The following ADAMTSL1 variants were observed in gnomAD, a reference collection of about 807,000 sequenced individuals.
ADAMTSL1 encodes the protein ADAMTS like 1.
In ADAMTSL1, 126 loss-of-function variants were observed where a neutral mutation model predicts 201.8. That is an observed-to-expected ratio of 0.62 (90% CI 0.54 to 0.72). ADAMTSL1 has a LOEUF of 0.72. Among genes scored for constraint, ADAMTSL1 ranks in the 30% least tolerant of loss-of-function variants. The probability of loss-of-function intolerance (pLI) is 0.00; values close to 1 mark genes in which losing one functional copy is unlikely to be tolerated. For synonymous variants in ADAMTSL1, 1,121 were observed against 903.4 expected, an observed-to-expected ratio of 1.24 and a Z score of -4.32; for missense variants, 2,679 against 2,277.8, an observed-to-expected ratio of 1.18 and a Z score of -3.59.
At chr9:18,499,464 C>T (rs1332684676) in intron 1 of ADAMTSL1, among the ~76,000 whole-genome samples, 2 of 152,160 alleles carry the variant, frequency 1.3e-5, no homozygotes, top group Admixed American at 6.6e-5. Flanking sequence ...GTGGGTAGGG[C>T]AGCTAAAAAT....
intron 2 of ADAMTSL1, among the ~76,000 whole-genome samples, chr9:18,379,567 T>G (rs1837460012): frequency 6.6e-6 from 1 of 152,170 alleles, no homozygotes; most frequent in Non-Finnish European, 1.5e-5. Flanking sequence ...TTGTTTTGTC[T>G]TTTGACAATG....
chr9:18,158,958 C>G (rs1041468704), intron 1 of ADAMTSL1, among the ~76,000 whole-genome samples: 4 of 151,962 alleles, frequency 2.6e-5, no homozygotes, highest in Non-Finnish European at 5.9e-5. Flanking sequence ...AAAACTGGAG[C>G]TAGATTGTTT....
At chr9:18,264,014 T>C (rs1156868085) in intron 2 of ADAMTSL1, among the ~76,000 whole-genome samples, 1 of 152,182 alleles carries the variant, frequency 6.6e-6, no homozygotes, top group African/African-American at 2.4e-5. Flanking sequence ...ATTAAATTAA[T>C]CTATCTATGC....
At chr9:18,707,585 G>T (rs1167965811) in intron 14 of ADAMTSL1, among the ~76,000 whole-genome samples, 1 of 152,218 alleles carries the variant, frequency 6.6e-6, no homozygotes, top group African/African-American at 2.4e-5. Context: ...CCATCTTACA[G>T]ATGAGAAAAC....
rs865852146 is a variant in ADAMTSL1, at chr9:18,399,329, A to G, written c.208-105500A>G. Among the ~76,000 whole-genome samples, 120 of 105,454 alleles carry G rather than the reference A, an allele frequency of 1.1e-3. 1 individual carries two copies. Among genetic ancestry groups the G allele is most frequent in the Non-Finnish European group, 1.8e-3 (91 of 51,522 alleles). The allele number at this position is 105,454 out of a possible 152,430, so 69.2% of individuals were successfully genotyped here. On this transcript the variant is annotated intron_variant, in intron 2 of 29. Transcript: ENST00000680146. ...TATATATATATATATATATATATAT[A>G]AAATTATTATTTTCTTTTTTTCTTT...
chr9:18,245,740 G>T (rs911191969), intron 2 of ADAMTSL1, among the ~76,000 whole-genome samples: 1 of 150,416 alleles, frequency 6.6e-6, no homozygotes, highest in African/African-American at 2.5e-5. Context: ...TTAACAAAAA[G>T]CAAAGGAATC....
chr9:18,444,770 C>G (rs1820124917), intron 2 of ADAMTSL1, among the ~76,000 whole-genome samples: 1 of 152,132 alleles, frequency 6.6e-6, no homozygotes, highest in South Asian at 2.1e-4. Flanking sequence ...ATCCTTAAAA[C>G]TTTTGTTCAA....
At chr9:18,255,048 T>C (rs1831628274) in intron 2 of ADAMTSL1, among the ~76,000 whole-genome samples, 1 of 152,206 alleles carries the variant, frequency 6.6e-6, no homozygotes, top group Non-Finnish European at 1.5e-5. Flanking sequence ...TTATTTTCAT[T>C]AAATGTTTGA....
chr9:17,932,833 T>C (rs1826852544), intron 1 of ADAMTSL1, among the ~76,000 whole-genome samples: 1 of 152,206 alleles, frequency 6.6e-6, no homozygotes, highest in Non-Finnish European at 1.5e-5. Flanking sequence ...CTTTGGAATT[T>C]CTTCAGGAAT....
intron 2 of ADAMTSL1, among the ~76,000 whole-genome samples, chr9:18,261,728 C>T (rs1259679673): frequency 1.3e-5 from 2 of 152,154 alleles, no homozygotes; most frequent in African/African-American, 4.8e-5. Flanking sequence ...GCTTACACTG[C>T]AGGGGTGCTA....
chr9:18,880,363 G>T (rs1207683110), intron 23 of ADAMTSL1, among the ~76,000 whole-genome samples: 15 of 152,156 alleles, frequency 9.9e-5, no homozygotes, highest in Non-Finnish European at 5.9e-5. Context: ...ATAGCATTAT[G>T]AAATTTGTTT....
At chr9:18,309,469 A>T (rs1834032070) in intron 2 of ADAMTSL1, among the ~76,000 whole-genome samples, 1 of 152,186 alleles carries the variant, frequency 6.6e-6, no homozygotes. Context: ...TCTTAAGCTG[A>T]TAAGCAACTT....
At chr9:18,687,608 C>A (rs897230926) in intron 13 of ADAMTSL1, among the ~76,000 whole-genome samples, 3 of 152,162 alleles carry the variant, frequency 2.0e-5, no homozygotes, top group African/African-American at 7.2e-5. Flanking sequence ...TATCACCAGC[C>A]TATCTCATTA....
rs1474695361 is a variant in ADAMTSL1 at position 18,826,380 on chromosome 9, C to A, written c.4031C>A (p.Ser1344Tyr). ...HEGSLLLTNV[S>Y]SSDQGLYSCR... is the part of the protein sequence containing the mutation. ...GGCTCCTTGCTGCTCACAAACGTGT[C>A]CTCCTCGGATCAGGGCCTGTACTCC... Residue 1344 changes from serine (S) to tyrosine (Y), a missense_variant, in exon 22 of 29, where the codon TCC becomes TAC. By Grantham distance (144) the Ser-to-Tyr change is moderately radical (BLOSUM62 -2). Coordinates refer to ENST00000380548, the MANE Select transcript of ADAMTSL1 (RefSeq NM_001040272.6). 1.2e-6 allele frequency: 2 copies of A among 1,613,770 alleles called. No individual in the cohort carries two copies. The highest frequency in any genetic ancestry group is 8.5e-7 in the Non-Finnish European group (1 of 1,179,846).
intron 15 of ADAMTSL1, among the ~76,000 whole-genome samples, chr9:18,731,429 G>A (rs918861461): frequency 1.3e-5 from 2 of 151,862 alleles, no homozygotes. Context: ...CCAGGGGTTT[G>A]AGACCAGCCT....
intron 26 of ADAMTSL1, among the ~76,000 whole-genome samples, chr9:18,893,083 C>T (rs957690058): frequency 1.3e-5 from 2 of 151,818 alleles, no homozygotes; most frequent in African/African-American, 4.8e-5. Flanking sequence ...CTGGAGACTC[C>T]TTTCTGGAGC....
At chr9:18,444,405 A>G (rs903553375) in intron 2 of ADAMTSL1, among the ~76,000 whole-genome samples, 3 of 152,176 alleles carry the variant, frequency 2.0e-5, no homozygotes, top group Non-Finnish European at 4.4e-5. Context: ...TGGATATGGG[A>G]TTTGAATTTA....
chr9:18,906,820 C>T lies in ADAMTSL1; in HGVS notation c.5090C>T (p.Ala1697Val). ...TCCCGGCGTGTGGAGTGTGTGCATGCCCGCACCAACAAGGCAGTGCCTGAG... is the reference window on the plus strand; with the variant it reads ...TCCCGGCGTGTGGAGTGTGTGCATGTCCGCACCAACAAGGCAGTGCCTGAG... ...FQSRRVECVH[A>V]RTNKAVPEHL... The change falls in exon 28 of 29, where the codon GCC becomes GTC. Residue 1697 changes from alanine to valine, a missense_variant. Ala to Val is a moderately conservative substitution (Grantham distance 64, BLOSUM62 0). Transcript: ENST00000380548. 1 of 1,614,022 alleles carries T rather than the reference C, an allele frequency of 6.2e-7. No homozygotes were observed. The highest frequency in any genetic ancestry group is 8.5e-7 in the Non-Finnish European group (1 of 1,179,888).
intron 26 of ADAMTSL1, among the ~76,000 whole-genome samples, chr9:18,903,531 C>A (rs1830124221): frequency 6.6e-6 from 1 of 152,128 alleles, no homozygotes; most frequent in African/African-American, 2.4e-5. Context: ...GTATACAGGA[C>A]TAGCTACATA....
Sources: gnomAD v4.1 joint callset for allele counts (sites outside exome capture counted in the v4.1 genomes callset) on GRCh38, gnomAD v4.1.1 for gene constraint, MANE v1.5 for transcripts, NCBI Gene and HGNC (gene_info 2026-07-23, HGNC 2026-07-21) for gene names.